CFAP97D2: variants seen among roughly 807,000 people sequenced by gnomAD.
CFAP97D2 encodes uncharacterized protein CFAP97D2.
chr13:114,188,104 C>T (rs1010505170), intron 1 of CFAP97D2, among the ~76,000 whole-genome samples: 3 of 150,818 alleles, frequency 2.0e-5, no homozygotes, highest in Non-Finnish European at 2.9e-5. Flanking sequence ...CATAGCAAGA[C>T]ACCATCTCCA....
chr13:114,181,245 AC>A (rs2080831051), intron 1 of CFAP97D2, among the ~76,000 whole-genome samples: 1 of 152,232 alleles, frequency 6.6e-6, no homozygotes, highest in Non-Finnish European at 1.5e-5. Context: ...GGCACAGCTG[AC>A]CAAGTGATGA....
chr13:114,209,016 G>T (rs574136236), intron 3 of CFAP97D2, among the ~76,000 whole-genome samples: 1 of 152,304 alleles, frequency 6.6e-6, no homozygotes, highest in African/African-American at 2.4e-5. Context: ...TTTAAAGCCT[G>T]GAGGAGAATT....
intron 2 of CFAP97D2, among the ~76,000 whole-genome samples, chr13:114,199,361 G>A (rs1402343072): frequency 8.4e-5 from 6 of 71,246 alleles, no homozygotes; most frequent in Non-Finnish European, 1.6e-4. Flanking sequence ...CCGTGGGTAC[G>A]GTCCCCGCCG....
intron 1 of CFAP97D2, among the ~76,000 whole-genome samples, chr13:114,194,973 C>T (rs2080880672): frequency 2.0e-5 from 3 of 152,234 alleles, no homozygotes; most frequent in Non-Finnish European, 4.4e-5. Context: ...CCACTCACCA[C>T]CTTCTCTGTC....
intron 3 of CFAP97D2, among the ~76,000 whole-genome samples, chr13:114,205,492 A>G (rs1285168414): frequency 6.6e-6 from 1 of 152,244 alleles, no homozygotes; most frequent in Admixed American, 6.5e-5. Context: ...AGATCATATC[A>G]TCTGTGAATA....
At chr13:114,193,076 C>T (rs1305747187) in intron 1 of CFAP97D2, among the ~76,000 whole-genome samples, 3 of 152,126 alleles carry the variant, frequency 2.0e-5, no homozygotes, top group African/African-American at 7.2e-5. Context: ...CCTACTATCT[C>T]TTACAATTTC....
At chr13:114,182,547 A>G (rs1259194570) in intron 1 of CFAP97D2, among the ~76,000 whole-genome samples, 1 of 152,012 alleles carries the variant, frequency 6.6e-6, no homozygotes, top group Non-Finnish European at 1.5e-5. Flanking sequence ...CGTATTTCAG[A>G]CTATCACATG....
chr13:114,209,356 A>T (rs1002367416), intron 3 of CFAP97D2, among the ~76,000 whole-genome samples: 2 of 152,238 alleles, frequency 1.3e-5, no homozygotes, highest in African/African-American at 4.8e-5. Flanking sequence ...AGGTGGTCTC[A>T]TAGAAGACCA....
chr13:114,206,104 CT>C (rs57411812), intron 3 of CFAP97D2, among the ~76,000 whole-genome samples: 26,517 of 137,832 alleles, frequency 0.19, 2,869 homozygotes, highest in East Asian at 0.48. Context: ...TTTTCTTTTC[CT>C]TTTTTTTTTT....
chr13:114,198,854 G>A (rs1259485204), intron 2 of CFAP97D2, among the ~76,000 whole-genome samples: 1 of 68,198 alleles, frequency 1.5e-5, no homozygotes, highest in Admixed American at 1.3e-4. Flanking sequence ...CCGTGTGTAC[G>A]GTCCCCGCTG....
At position 114,220,705 on chromosome 13, in the gene CFAP97D2, A is replaced by G. The variant is rs531530230; in HGVS notation, c.481-1793A>G. On this transcript the variant is annotated intron_variant, in intron 4 of 4. Transcript: ENST00000646158. ...TCCTGCACATGAGAAAGAAGCAAAA[A>G]TTAAACAAACACAAATGATCTCCAG... Among the ~76,000 whole-genome samples the G allele has an allele frequency of 8.5e-5, 13 of 152,370 alleles. No individual in the cohort carries two copies. The South Asian group carries it at 1.7e-3, about 19-fold the overall frequency.
At chr13:114,188,007 A>T (rs2080857119) in intron 1 of CFAP97D2, among the ~76,000 whole-genome samples, 1 of 152,188 alleles carries the variant, frequency 6.6e-6, no homozygotes, top group Admixed American at 6.5e-5. Flanking sequence ...GGCTGGGTGC[A>T]GTAGCTCACG....
chr13:114,204,499 T>A (rs7336144), intron 3 of CFAP97D2, among the ~76,000 whole-genome samples: 42,283 of 152,062 alleles, frequency 0.28, 7,783 homozygotes, highest in East Asian at 0.55. Context: ...ACACTGGCAT[T>A]AAGATAGACA....
chr13:114,192,691 C>T (rs1049912004), intron 1 of CFAP97D2, among the ~76,000 whole-genome samples: 8 of 152,122 alleles, frequency 5.3e-5, no homozygotes, highest in South Asian at 2.1e-4. Context: ...ATCAATCTCA[C>T]GTATGAATAT....
chr13:114,181,878 C>T (rs572856790), intron 1 of CFAP97D2, among the ~76,000 whole-genome samples: 12 of 150,880 alleles, frequency 8.0e-5, no homozygotes, highest in African/African-American at 1.9e-4. Context: ...CGCTCCCCAA[C>T]GCACCTGACC....
At chr13:114,188,658 T>A (rs2080858924) in intron 1 of CFAP97D2, among the ~76,000 whole-genome samples, 1 of 151,090 alleles carries the variant, frequency 6.6e-6, no homozygotes, top group Non-Finnish European at 1.5e-5. Context: ...GCGCCTGTAG[T>A]CCCAGCTGCT....
intron 1 of CFAP97D2, among the ~76,000 whole-genome samples, chr13:114,180,768 C>T (rs1289020315): frequency 1.3e-5 from 2 of 152,178 alleles, no homozygotes; most frequent in Non-Finnish European, 2.9e-5. Context: ...AGGATAGAAA[C>T]CCCATGGGTG....
chr13:114,188,270 T>G (rs2080857801), intron 1 of CFAP97D2, among the ~76,000 whole-genome samples: 1 of 121,550 alleles, frequency 8.2e-6, no homozygotes. Context: ...AGACCCTGTC[T>G]CAAAAAAAAA....
intron 4 of CFAP97D2, among the ~76,000 whole-genome samples, chr13:114,213,776 A>G (rs1187217035): frequency 1.5e-5 from 2 of 129,336 alleles, no homozygotes; most frequent in African/African-American, 5.9e-5. Flanking sequence ...CCAGGACCAC[A>G]GACCCCACCC....
Sources: allele counts gnomAD v4.1 joint callset (sites outside exome capture counted in the v4.1 genomes callset), GRCh38; gene constraint gnomAD v4.1.1; transcripts MANE v1.5; gene names NCBI Gene and HGNC (gene_info 2026-07-23, HGNC 2026-07-21).